The following GALNT17 variants were observed in gnomAD, a reference collection of about 807,000 sequenced individuals.
The protein encoded by GALNT17 is polypeptide N-acetylgalactosaminyltransferase 17.
A neutral mutation model predicts 63.7 loss-of-function variants in GALNT17; 29 were observed. The observed-to-expected ratio is 0.46, with a 90% CI of 0.34 to 0.62. The LOEUF is 0.62. Ranked by LOEUF, GALNT17 falls within the 20% of genes least tolerant of loss-of-function variation. The pLI is 0.01. For synonymous variants in GALNT17, 305 were observed against 318.3 expected (o/e 0.96, Z 0.45); for missense variants, 603 against 799.6 (o/e 0.75, Z 2.97).
chr7:71,199,817 C>T lies in GALNT17; in HGVS notation c.238+66777C>T, dbSNP rs371312821. ...GTATATTCATCCATCATCCATCCAT[C>T]CATCCAACATAACACACTTGTAGAC... On this transcript the variant is annotated intron_variant, in intron 1 of 10. Coordinates refer to ENST00000333538, the MANE Select transcript of GALNT17 (RefSeq NM_022479.3). 2.0e-5 allele frequency among the ~76,000 whole-genome samples: 3 copies of T among 152,148 alleles called. No homozygotes were observed. In the East Asian group the frequency reaches 5.8e-4, roughly 29 times the overall value.
chr7:71,700,755 C>T (rs1791619579), intron 9 of GALNT17, among the ~76,000 whole-genome samples: 1 of 152,168 alleles, frequency 6.6e-6, no homozygotes, highest in African/African-American at 2.4e-5. Flanking sequence ...CTTCTTTGAC[C>T]TTCCTCTTTT....
chr7:71,331,731 C>T (rs1047086878), intron 1 of GALNT17, among the ~76,000 whole-genome samples: 24 of 151,900 alleles, frequency 1.6e-4, no homozygotes, highest in East Asian at 5.8e-4. Flanking sequence ...AAAGTTCCTA[C>T]GTTCCTACAT....
chr7:71,215,667 G>C (rs1397890171), intron 1 of GALNT17, among the ~76,000 whole-genome samples: 1 of 152,000 alleles, frequency 6.6e-6, no homozygotes, highest in Non-Finnish European at 1.5e-5. Context: ...ACTATGTCAT[G>C]TCACCTGTAA....
At chr7:71,623,828 T>C (rs1037083974) in intron 6 of GALNT17, among the ~76,000 whole-genome samples, 2 of 152,052 alleles carry the variant, frequency 1.3e-5, no homozygotes, top group Non-Finnish European at 2.9e-5. Flanking sequence ...CATACAGTCT[T>C]CCCCCGTCCT....
intron 5 of GALNT17, among the ~76,000 whole-genome samples, chr7:71,557,378 GT>G (rs2116845380): frequency 6.6e-6 from 1 of 152,216 alleles, no homozygotes; most frequent in South Asian, 2.1e-4. Context: ...TTTTATCAAA[GT>G]TGTTCTTGCA....
chr7:71,571,553 C>T (rs1789443201), intron 6 of GALNT17, 151 bp downstream of exon 6: 2 of 672,108 alleles, frequency 3.0e-6, no homozygotes, highest in South Asian at 1.8e-5. Flanking sequence ...ATGAGCTGCA[C>T]TGTCACCCCT....
intron 5 of GALNT17, among the ~76,000 whole-genome samples, chr7:71,495,651 G>C (rs1279449241): frequency 1.3e-5 from 2 of 152,148 alleles, no homozygotes; most frequent in African/African-American, 4.8e-5. Flanking sequence ...ACCCGGCCTG[G>C]AATGGGAGCA....
chr7:71,413,543 A>AT (rs10650177), intron 3 of GALNT17, among the ~76,000 whole-genome samples: 105,978 of 148,496 alleles, frequency 0.71, 37,956 homozygotes, highest in Non-Finnish European at 0.74. Context: ...TATTTTTTGT[A>AT]TTTTTTTTTT....
intron 2 of GALNT17, among the ~76,000 whole-genome samples, chr7:71,387,543 C>T (rs1364828779): frequency 6.6e-6 from 1 of 152,070 alleles, no homozygotes; most frequent in Non-Finnish European, 1.5e-5. Flanking sequence ...CCAGGCTGGT[C>T]TTAAACTCCT....
chr7:71,492,798 C>G (rs904886998), intron 5 of GALNT17, among the ~76,000 whole-genome samples: 1 of 152,136 alleles, frequency 6.6e-6, no homozygotes, highest in Non-Finnish European at 1.5e-5. Flanking sequence ...TTCCCTTTTC[C>G]TTTCGAAATA....
intron 5 of GALNT17, among the ~76,000 whole-genome samples, chr7:71,531,475 TACTA>T (rs1324765383): frequency 6.6e-6 from 1 of 152,226 alleles, no homozygotes; most frequent in Non-Finnish European, 1.5e-5. Context: ...GCTGCACACA[TACTA>T]GTAGTAGTAA....
intron 1 of GALNT17, among the ~76,000 whole-genome samples, chr7:71,292,911 G>A (rs1404121658): frequency 6.6e-6 from 1 of 151,972 alleles, no homozygotes; most frequent in Non-Finnish European, 1.5e-5. Context: ...CTACTTTTAT[G>A]AATTTGATAT....
chr7:71,577,413 C>G lies in GALNT17; in HGVS notation c.1080+6011C>G, dbSNP rs181805386. On this transcript the variant is annotated intron_variant, in intron 6 of 10. Transcript: ENST00000333538. ...AATACAAGAAATGAGCTCTCCATTC[C>G]CAGACACACACAAACACACGCACAC... Among the ~76,000 whole-genome samples, 211 of 152,214 alleles carry G rather than the reference C, an allele frequency of 1.4e-3. 2 individuals are homozygous for G. In the South Asian group the frequency reaches 0.028, roughly 20 times the overall value.
chr7:71,569,228 C>G (rs1416126045), intron 5 of GALNT17, among the ~76,000 whole-genome samples: 2 of 152,114 alleles, frequency 1.3e-5, no homozygotes, highest in Non-Finnish European at 2.9e-5. Context: ...CCTCGGCCTC[C>G]CAAAGTTCTG....
intron 1 of GALNT17, among the ~76,000 whole-genome samples, chr7:71,174,678 A>G (rs1269594536): frequency 6.6e-6 from 1 of 152,184 alleles, no homozygotes; most frequent in African/African-American, 2.4e-5. Flanking sequence ...GAGAATTACA[A>G]AGAACCTTCT....
chr7:71,633,832 G>A (rs1290459740), intron 6 of GALNT17, among the ~76,000 whole-genome samples: 1 of 152,180 alleles, frequency 6.6e-6, no homozygotes, highest in African/African-American at 2.4e-5. Flanking sequence ...AAAGGAAAAA[G>A]CACATTTTTT....
chr7:71,386,889 T>C (rs58011346), intron 2 of GALNT17, among the ~76,000 whole-genome samples: 18,305 of 152,144 alleles, frequency 0.12, 2,731 homozygotes, highest in African/African-American at 0.35. Flanking sequence ...ATGTTAGCTC[T>C]GTGATAGCAG....
At position 71,160,144 on chromosome 7, in the gene GALNT17, G is replaced by A. The variant is rs940467368; in HGVS notation, c.238+27104G>A. ...ATAAATTGGGGAAACAGGGAAAAAT[G>A]GAAATGAGAAAATAAATTTATCGTA... On this transcript the variant is annotated intron_variant, in intron 1 of 10. Coordinates refer to ENST00000333538, the MANE Select transcript of GALNT17 (RefSeq NM_022479.3). Among the ~76,000 whole-genome samples the A allele has an allele frequency of 7.2e-5, 11 of 152,170 alleles. No individual in the cohort carries two copies. The East Asian group carries it at 2.1e-3, about 29-fold the overall frequency.
At chr7:71,452,970 G>C (rs867307961) in intron 5 of GALNT17, among the ~76,000 whole-genome samples, 1 of 152,106 alleles carries the variant, frequency 6.6e-6, no homozygotes, top group Non-Finnish European at 1.5e-5. Flanking sequence ...CTTAGATTCT[G>C]TGTTGCTCTT....
Sources: allele counts gnomAD v4.1 joint callset (sites outside exome capture counted in the v4.1 genomes callset), GRCh38; gene constraint gnomAD v4.1.1; transcripts MANE v1.5; gene names NCBI Gene and HGNC (gene_info 2026-07-23, HGNC 2026-07-21).